Variants in NFKB1 observed in about 807,000 individuals in gnomAD.
NFKB1 encodes nuclear factor kappa B subunit 1, also known as nuclear factor NF-kappa-B p105 subunit.
In NFKB1, 9 loss-of-function variants were observed where a neutral mutation model predicts 105.1. That is an observed-to-expected ratio of 0.09 (90% confidence interval 0.05 to 0.15). The LOEUF is 0.15. NFKB1 is among the 10% of genes least tolerant of loss of function. The pLI is 1.00. For missense variants in NFKB1, 830 were observed against 1,203.7 expected, an observed-to-expected ratio of 0.69 and a Z score of 4.59; for synonymous variants, 440 against 442.2, an observed-to-expected ratio of 1.00 and a Z score of 0.06.
At chr4:102,606,390 A>G in intron 16 of NFKB1, 106 bp from the exon 17 acceptor site, 1 of 1,044,532 alleles carries the variant, frequency 9.6e-7, no homozygotes, top group Non-Finnish European at 1.5e-6. Flanking sequence ...AATGAGAAAT[A>G]TTCCTGCAGT....
intron 11 of NFKB1, among the ~76,000 whole-genome samples, chr4:102,586,101 G>A (rs1213107419): frequency 6.6e-6 from 1 of 152,196 alleles, no homozygotes; most frequent in Non-Finnish European, 1.5e-5. Flanking sequence ...GGCAGATGAT[G>A]AGTCAGAAGA....
At chr4:102,603,077 G>A (rs1727340724) in intron 16 of NFKB1, among the ~76,000 whole-genome samples, 1 of 152,076 alleles carries the variant, frequency 6.6e-6, no homozygotes, top group African/African-American at 2.4e-5. Context: ...ATTAGTAGCT[G>A]TGATTTTTTT....
In NFKB1 at chr4:102,606,492, C is replaced by T. The variant is rs193293331; in HGVS notation, c.1753-4C>T. Reference sequence around the variant, plus strand: ...AGTGAATCTCCTGCCCTTTCACTTTCCAGACGCCCTTGCACTTGGCAGTGA... The same window carrying T: ...AGTGAATCTCCTGCCCTTTCACTTTTCAGACGCCCTTGCACTTGGCAGTGA... On this transcript the variant is annotated splice_polypyrimidine_tract_variant and splice_region_variant and intron_variant, in intron 16 of 23. Coordinates refer to ENST00000226574, the MANE Select transcript of NFKB1 (RefSeq NM_003998.4). The T allele has an allele frequency of 6.2e-7, 1 of 1,613,774 alleles. No individual in the cohort carries two copies. Among genetic ancestry groups the T allele is most frequent in the East Asian group, 2.2e-5 (1 of 44,884 alleles).
chr4:102,548,042 A>G (rs1312481023), intron 5 of NFKB1, among the ~76,000 whole-genome samples: 1 of 152,098 alleles, frequency 6.6e-6, no homozygotes, highest in Non-Finnish European at 1.5e-5. Flanking sequence ...AATCAGGAGA[A>G]ACACAAGATG....
chr4:102,521,842 C>G (rs1027572123), intron 1 of NFKB1, among the ~76,000 whole-genome samples: 4 of 152,192 alleles, frequency 2.6e-5, no homozygotes, highest in African/African-American at 9.7e-5. Flanking sequence ...ATGTTCAGAA[C>G]TAAGCTAGTT....
At chr4:102,571,918 C>G (rs982903363) in intron 6 of NFKB1, among the ~76,000 whole-genome samples, 3 of 152,196 alleles carry the variant, frequency 2.0e-5, no homozygotes, top group Non-Finnish European at 4.4e-5. Flanking sequence ...TTGTGGAAGA[C>G]AGTGTGGCGA....
At chr4:102,593,315 A>C in intron 11 of NFKB1, 110 bp from the exon 12 acceptor site, 1 of 1,023,546 alleles carries the variant, frequency 9.8e-7, no homozygotes, top group Non-Finnish European at 1.4e-6. Flanking sequence ...AGTGCTTTCT[A>C]TTTCCCTTTA....
In NFKB1 at chr4:102,616,794, A is replaced by G. The variant is rs1459901246; in HGVS notation, c.*200A>G. On this transcript the variant is annotated 3_prime_UTR_variant, in exon 24 of 24. Transcript: ENST00000226574. ...ATTTTAGTTTGGTTCACTTACAGAT[A>G]GTATCTAGCAATCACAACACTGGCT... The G allele has an allele frequency of 5.6e-6, 3 of 534,242 alleles. No homozygotes were observed. Among genetic ancestry groups the G allele is most frequent in the Non-Finnish European group, 9.8e-6 (3 of 304,736 alleles). The allele number at this position is 534,242 out of a possible 1,614,324, so 33.1% of individuals were successfully genotyped here. A position where few individuals can be genotyped will look rare whatever the true frequency, so the allele number is the denominator to read the frequency against.
At chr4:102,547,338 G>A (rs932571541) in intron 5 of NFKB1, among the ~76,000 whole-genome samples, 1 of 152,202 alleles carries the variant, frequency 6.6e-6, no homozygotes, top group Non-Finnish European at 1.5e-5. Flanking sequence ...AGTAAGAGGT[G>A]TCTAGTTGAA....
intron 6 of NFKB1, among the ~76,000 whole-genome samples, chr4:102,574,125 C>CTTTT (rs56977004): frequency 3.2e-5 from 3 of 93,248 alleles, no homozygotes; most frequent in Non-Finnish European, 6.1e-5. Context: ...TCTTGGATTC[C>CTTTT]TTTTTTTTTT....
chr4:102,584,651 A>G, intron 10 of NFKB1, 31 bp from the exon 11 acceptor site: 1 of 1,562,812 alleles, frequency 6.4e-7, no homozygotes, highest in Non-Finnish European at 8.6e-7. Context: ...ATGTAGTCCT[A>G]CACCAACATG....
Position 102,582,971 on chromosome 4 carries a change from T to G in NFKB1, c.927+14T>G. ...GTTCATAGACAAGTAAGTGATTTATTATTATTATTAATCCTTATTATTTTT... is the reference window on the plus strand; with the variant it reads ...GTTCATAGACAAGTAAGTGATTTATGATTATTATTAATCCTTATTATTTTT... On this transcript the variant is annotated intron_variant, in intron 10 of 23. Coordinates refer to ENST00000226574, the MANE Select transcript of NFKB1 (RefSeq NM_003998.4). 1 of 1,530,496 alleles carries G rather than the reference T, an allele frequency of 6.5e-7. No individual in the cohort carries two copies. Among genetic ancestry groups the G allele is most frequent in the Admixed American group, 1.7e-5 (1 of 59,664 alleles). 94.8% of individuals were successfully genotyped at this position (1,530,496 alleles called of 1,614,324 possible).
chr4:102,526,753 C>G (rs1218883212), intron 2 of NFKB1, among the ~76,000 whole-genome samples: 6 of 152,092 alleles, frequency 3.9e-5, no homozygotes, highest in African/African-American at 9.7e-5. Context: ...AAAACTGTTC[C>G]TATCATTATA....
chr4:102,549,418 A>G (rs1722401066), intron 5 of NFKB1, among the ~76,000 whole-genome samples: 1 of 148,664 alleles, frequency 6.7e-6, no homozygotes, highest in Admixed American at 6.8e-5. Context: ...ATATATGTAT[A>G]AAACTTATGT....
intron 3 of NFKB1, among the ~76,000 whole-genome samples, chr4:102,532,516 C>T (rs1741362226): frequency 6.6e-6 from 1 of 152,088 alleles, no homozygotes; most frequent in South Asian, 2.1e-4. Flanking sequence ...GTAATTCCAG[C>T]TCCTCTGGAG....
intron 5 of NFKB1, among the ~76,000 whole-genome samples, chr4:102,556,094 G>A (rs1350716557): frequency 6.6e-6 from 1 of 152,174 alleles, no homozygotes; most frequent in Non-Finnish European, 1.5e-5. Flanking sequence ...AAACATAAAA[G>A]ACAAGAGACA....
intron 2 of NFKB1, among the ~76,000 whole-genome samples, chr4:102,528,428 C>A (rs1364219282): frequency 1.3e-5 from 2 of 152,066 alleles, no homozygotes; most frequent in African/African-American, 4.8e-5. Flanking sequence ...TCAAATGGAT[C>A]TGAAGTACTG....
chr4:102,591,339 G>T (rs1726151296), intron 11 of NFKB1, among the ~76,000 whole-genome samples: 2 of 148,030 alleles, frequency 1.4e-5, no homozygotes, highest in South Asian at 4.3e-4. Flanking sequence ...AGGATCACTT[G>T]AACACAGAAG....
intron 5 of NFKB1, among the ~76,000 whole-genome samples, chr4:102,543,662 A>G (rs538313988): frequency 1.3e-5 from 2 of 151,678 alleles, no homozygotes; most frequent in East Asian, 3.9e-4. Context: ...CCTAAATGTT[A>G]AGTTTCTGTC....
Sources: allele counts gnomAD v4.1 joint callset (sites outside exome capture counted in the v4.1 genomes callset), GRCh38; gene constraint gnomAD v4.1.1; transcripts MANE v1.5; gene names NCBI Gene and HGNC (gene_info 2026-07-23, HGNC 2026-07-21).